The following MTIF2 variants were observed in gnomAD, a reference collection of about 807,000 sequenced individuals.
The protein encoded by MTIF2 is mitochondrial translational initiation factor 2, also known as translation initiation factor IF-2, mitochondrial.
Under a neutral mutation model 83.5 loss-of-function variants are expected in MTIF2, and 71 were observed. The observed-to-expected ratio is 0.85, with a 90% CI of 0.70 to 1.04. MTIF2 has a LOEUF of 1.04. MTIF2 is among the 50% of genes least tolerant of loss of function. The pLI is 0.00. For missense variants in MTIF2, 957 were observed against 846.5 expected (o/e 1.13, Z -1.62); for synonymous variants, 319 against 287.1 (o/e 1.11, Z -1.12).
chr2:55,262,432 TAAAAAAA>T lies in MTIF2; in HGVS notation c.220-12_220-6del. ...AGATTTCCATGGTCCTTCTTCCTAT[TAAAAAAA>T]TCAGAACATATAAACAAAAAGGAAG... On this transcript the variant is annotated splice_region_variant and splice_polypyrimidine_tract_variant and intron_variant, in intron 4 of 15. Coordinates refer to ENST00000263629, the MANE Select transcript of MTIF2 (RefSeq NM_002453.3). The T allele has an allele frequency of 6.3e-7, 1 of 1,585,730 alleles. No homozygotes were observed. Among genetic ancestry groups the T allele is most frequent in the Non-Finnish European group, 8.6e-7 (1 of 1,162,026 alleles).
intron 13 of MTIF2, among the ~76,000 whole-genome samples, chr2:55,242,452 T>G (rs948044183): frequency 4.6e-5 from 7 of 152,226 alleles, no homozygotes; most frequent in African/African-American, 9.6e-5. Flanking sequence ...GACAGTTCCC[T>G]GCCTTCTAGG....
rs777074192 is a variant in MTIF2, at chr2:55,254,756, T to C, written c.401A>G (p.Asp134Gly). Reference protein sequence around the residue: ...IDSLEADSHLDEVWIKEVITK... With the variant: ...IDSLEADSHLGEVWIKEVITK... ...TATCACTTCTTTGATCCAGACTTCA[T>C]CTAAATGTGAGTCTGCTTCCAGTGA... Residue 134 changes from aspartate to glycine, a missense_variant, in exon 6 of 16, where the codon GAT becomes GGT. Asp to Gly is a moderately conservative substitution (Grantham distance 94, BLOSUM62 -1). Transcript: ENST00000263629. 6.2e-7 allele frequency: 1 copy of C among 1,610,162 alleles called. No individual in the cohort carries two copies.
intron 13 of MTIF2, among the ~76,000 whole-genome samples, chr2:55,242,090 C>T (rs922137764): frequency 2.7e-5 from 4 of 149,850 alleles, no homozygotes; most frequent in Non-Finnish European, 4.4e-5. Flanking sequence ...TGCAGTGAGC[C>T]GAGACCGTGC....
chr2:55,243,612 A>G lies in MTIF2; in HGVS notation c.1368T>C (p.Gly456=), dbSNP rs1368907731. ...WRKYEQEQEK[G]QEDLKIIEEK... ...CTTCTATTATTTTCAGATCCTCCTG[A>G]CCTTTCTCCTGTTCTTGTTCATATT... Residue 456 remains glycine, a synonymous_variant, in exon 12 of 16, where the codon GGT becomes GGC. Coordinates refer to ENST00000263629, the MANE Select transcript of MTIF2 (RefSeq NM_002453.3). The G allele has an allele frequency of 5.0e-6, 8 of 1,613,732 alleles. No individual in the cohort carries two copies.
At position 55,246,333 on chromosome 2, in the gene MTIF2, C is replaced by G. The variant is rs898895089; in HGVS notation, c.1106+4G>C. On this transcript the variant is annotated splice_donor_region_variant and intron_variant, in intron 10 of 15. Transcript: ENST00000263629. The stretch of plus-strand genomic sequence containing the variant: ...TAAAAAGGCAAGCATTTTAAGAGTC[C>G]TACCCTCTTCCTTTGTCTGTGAAAG... 3 of 1,611,642 alleles carry G rather than the reference C, an allele frequency of 1.9e-6. No homozygotes were observed. The highest frequency in any genetic ancestry group is 2.5e-6 in the Non-Finnish European group (3 of 1,178,480).
At chr2:55,250,281 T>C (rs1214825597) in intron 8 of MTIF2, among the ~76,000 whole-genome samples, 2 of 152,048 alleles carry the variant, frequency 1.3e-5, no homozygotes, top group African/African-American at 4.8e-5. Context: ...TTATGTTTGG[T>C]TGAAAAAAAT....
In MTIF2 at chr2:55,243,019, G is replaced by A. The variant is rs965535717; in HGVS notation, c.1626C>T (p.His542=). The change falls in exon 13 of 16, where the codon CAC becomes CAT. Residue 542 remains histidine (H), a synonymous_variant. Transcript: ENST00000263629. Reference sequence around the variant, plus strand: ...AATGTACTAATTCTAGTTCACACTCGTGTGAAGCATCATAGGTATCTATAA... The same window carrying A: ...AATGTACTAATTCTAGTTCACACTCATGTGAAGCATCATAGGTATCTATAA... ...LNIIDTYDAS[H]ECELELVHFG... The A allele has an allele frequency of 5.0e-6, 8 of 1,613,002 alleles. No homozygotes were observed. In the South Asian group the frequency reaches 8.8e-5, roughly 18 times the overall value.
Position 55,263,863 on chromosome 2 carries a change from C to T in MTIF2, c.-5G>A. On this transcript the variant is annotated splice_region_variant and 5_prime_UTR_variant, in exon 4 of 16. Coordinates refer to ENST00000263629, the MANE Select transcript of MTIF2 (RefSeq NM_002453.3). ...CTTCAGTAGCTTCTGGTTCATGTTTCTCCTGGGGAAAAAAAAAAGGTTTTA... is the reference window on the plus strand; with the variant it reads ...CTTCAGTAGCTTCTGGTTCATGTTTTTCCTGGGGAAAAAAAAAAGGTTTTA... 1 of 1,591,478 alleles carries T rather than the reference C, an allele frequency of 6.3e-7. No homozygotes were observed. Among genetic ancestry groups the T allele is most frequent in the Non-Finnish European group, 8.5e-7 (1 of 1,171,964 alleles).
chr2:55,262,145 C>T (rs1678051115), intron 5 of MTIF2, among the ~76,000 whole-genome samples, 171 bp downstream of exon 5: 1 of 152,028 alleles, frequency 6.6e-6, no homozygotes, highest in African/African-American at 2.4e-5. Flanking sequence ...ATTTGGCAGT[C>T]AAGAAACTAA....
intron 14 of MTIF2, among the ~76,000 whole-genome samples, chr2:55,239,463 C>T (rs551252653): frequency 6.6e-6 from 1 of 151,848 alleles, no homozygotes; most frequent in Admixed American, 6.6e-5. Context: ...TGCAATTTTT[C>T]TGGAAATTTA....
Position 55,237,984 on chromosome 2 carries a change from C to T in MTIF2, c.1871-556G>A, listed in dbSNP as rs372816827. ...CTATTCTTGTCTGCTCCATGAAAACCTTGTTTTAAGCTTTCCTTCAATATA... is the reference window on the plus strand; with the variant it reads ...CTATTCTTGTCTGCTCCATGAAAACTTTGTTTTAAGCTTTCCTTCAATATA... On this transcript the variant is annotated intron_variant, in intron 14 of 15. Coordinates refer to ENST00000263629, the MANE Select transcript of MTIF2 (RefSeq NM_002453.3). 1.1e-3 allele frequency among the ~76,000 whole-genome samples: 161 copies of T among 152,014 alleles called. 2 individuals carry two copies. In the Middle Eastern group the frequency reaches 0.017, roughly 16 times the overall value.
At chr2:55,260,137 C>G (rs562752241) in intron 5 of MTIF2, among the ~76,000 whole-genome samples, 13 of 152,204 alleles carry the variant, frequency 8.5e-5, no homozygotes, top group African/African-American at 2.7e-4. Context: ...TGGTGGCTCA[C>G]GCCTGTAATC....
intron 3 of MTIF2, among the ~76,000 whole-genome samples, chr2:55,266,763 CTTTTT>C (rs1216777992): frequency 1.2e-5 from 1 of 86,306 alleles, no homozygotes; most frequent in Admixed American, 1.4e-4. Flanking sequence ...ACATTTCATT[CTTTTT>C]TTTTTTTTTT....
chr2:55,246,234 C>T (rs1676688080), intron 10 of MTIF2, 103 bp downstream of exon 10: 6 of 1,219,574 alleles, frequency 4.9e-6, no homozygotes, highest in East Asian at 4.9e-5. Flanking sequence ...AAATATTGTT[C>T]ATGAACTAAC....
chr2:55,239,678 A>C (rs1676154431), intron 14 of MTIF2, among the ~76,000 whole-genome samples: 1 of 152,218 alleles, frequency 6.6e-6, no homozygotes, highest in Non-Finnish European at 1.5e-5. Context: ...GCCCCACAAC[A>C]AAGTCAACAG....
Position 55,236,692 on chromosome 2 carries a change from C to T in MTIF2, c.2140G>A (p.Glu714Lys). ...QVGDRIVCYE[E>K]KQIQAKTSWD... ...GAAGTCTTGGCTTGAATTTGCTTTTCTTCATAACAAACAATTCTGTCTCCC... is the reference window on the plus strand; with the variant it reads ...GAAGTCTTGGCTTGAATTTGCTTTTTTTCATAACAAACAATTCTGTCTCCC... The change falls in exon 16 of 16, where the codon GAA becomes AAA. Residue 714 changes from glutamate (E) to lysine (K), a missense_variant. Glu to Lys is a moderately conservative substitution (Grantham distance 56, BLOSUM62 1). Transcript: ENST00000263629. The T allele has an allele frequency of 1.9e-6, 3 of 1,601,700 alleles. No individual in the cohort carries two copies. Among genetic ancestry groups the T allele is most frequent in the Non-Finnish European group, 2.6e-6 (3 of 1,176,430 alleles).
chr2:55,266,195 G>T (rs953349256), intron 3 of MTIF2, among the ~76,000 whole-genome samples: 8 of 151,964 alleles, frequency 5.3e-5, no homozygotes, highest in Non-Finnish European at 5.9e-5. Flanking sequence ...ACCATATAAA[G>T]CTATCTTGAA....
chr2:55,241,753 G>C (rs990653838), intron 13 of MTIF2, among the ~76,000 whole-genome samples: 7 of 151,352 alleles, frequency 4.6e-5, no homozygotes, highest in Admixed American at 1.3e-4. Context: ...TGGGGCAGGA[G>C]AATCGCTTGA....
Position 55,254,084 on chromosome 2 carries a change from T to C in MTIF2, c.621A>G (p.Ala207=). The stretch of plus-strand genomic sequence containing the variant: ...GCTGAGTGATGCCTCCAGTTTCCAC[T>C]GCTGCCACTTGAGTTTTTCGAAATT... The part of the protein sequence containing the change: ...LDKFRKTQVA[A]VETGGITQHI... The change falls in exon 7 of 16, where the codon GCA becomes GCG. Residue 207 remains alanine (A), a synonymous_variant. Coordinates refer to ENST00000263629, the MANE Select transcript of MTIF2 (RefSeq NM_002453.3). 2 of 1,614,228 alleles carry C rather than the reference T, an allele frequency of 1.2e-6. No homozygotes were observed. Among genetic ancestry groups the C allele is most frequent in the Non-Finnish European group, 1.7e-6 (2 of 1,180,024 alleles).
Sources: gnomAD v4.1 joint callset for allele counts (sites outside exome capture counted in the v4.1 genomes callset) on GRCh38, gnomAD v4.1.1 for gene constraint, MANE v1.5 for transcripts, NCBI Gene and HGNC (gene_info 2026-07-23, HGNC 2026-07-21) for gene names.